SPINK5: variants seen among roughly 807,000 people sequenced by gnomAD.
The protein encoded by SPINK5 is serine protease inhibitor Kazal-type 5.
In SPINK5, 125 loss-of-function variants were observed where a neutral mutation model predicts 151.8. The ratio of observed to expected loss-of-function variants is 0.82; its 90% CI spans 0.71 to 0.96. The LOEUF (loss-of-function observed/expected upper bound fraction) is 0.96, where lower values mean the gene tolerates loss of function less well. SPINK5 is among the 40% of genes least tolerant of loss of function. The pLI is 0.00. For missense variants in SPINK5, 1,194 were observed against 1,291.9 expected, an observed-to-expected ratio of 0.92 and a Z score of 1.16; for synonymous variants, 374 against 395.3, an observed-to-expected ratio of 0.95 and a Z score of 0.64.
At chr5:148,084,686 G>A (rs1375848095) in intron 4 of SPINK5, among the ~76,000 whole-genome samples, 3 of 151,928 alleles carry the variant, frequency 2.0e-5, no homozygotes, top group East Asian at 2.0e-4. Context: ...AAAACCAAGA[G>A]CCATCCTGCT....
rs1192567456 is a variant in SPINK5, at chr5:148,090,958, C to T, written c.603-207C>T. The stretch of plus-strand genomic sequence containing the variant: ...AGCTAATTTACAGAAAGCAAGTTTC[C>T]CAGATAAGCTATTGCCGTCTTTCTT... On this transcript the variant is annotated intron_variant, in intron 7 of 32. Transcript: ENST00000256084. 4 of 565,728 alleles carry T rather than the reference C, an allele frequency of 7.1e-6. No homozygotes were observed. The East Asian group carries it at 1.2e-4, about 16-fold the overall frequency. The allele number at this position is 565,728 out of a possible 1,614,324, so 35.0% of individuals were successfully genotyped here.
intron 22 of SPINK5, 136 bp from the exon 23 acceptor site, chr5:148,118,301 G>C: frequency 7.5e-7 from 1 of 1,328,512 alleles, no homozygotes; most frequent in Non-Finnish European, 1.1e-6. Context: ...ACAGGCATGA[G>C]CCACCGTACC....
intron 31 of SPINK5, among the ~76,000 whole-genome samples, chr5:148,132,101 CTTA>C (rs1754587237): frequency 6.6e-6 from 1 of 152,104 alleles, no homozygotes; most frequent in Admixed American, 6.6e-5. Flanking sequence ...TTTTAATACT[CTTA>C]TTATTGGCTT....
At chr5:148,130,103 C>T (rs1157062034) in intron 30 of SPINK5, among the ~76,000 whole-genome samples, 1 of 151,824 alleles carries the variant, frequency 6.6e-6, no homozygotes, top group African/African-American at 2.4e-5. Flanking sequence ...AAAAAATTTT[C>T]TATGCTCATC....
At chr5:148,077,737 G>A (rs1193496744) in intron 4 of SPINK5, among the ~76,000 whole-genome samples, 1 of 149,340 alleles carries the variant, frequency 6.7e-6, no homozygotes, top group Non-Finnish European at 1.5e-5. Flanking sequence ...CCAGGATTAA[G>A]TATTATTCTG....
intron 30 of SPINK5, among the ~76,000 whole-genome samples, chr5:148,129,884 A>G (rs1754530468): frequency 6.6e-6 from 1 of 152,138 alleles, no homozygotes; most frequent in Admixed American, 6.5e-5. Context: ...ATTTTTTGGC[A>G]TGTAGTTATT....
In SPINK5 at chr5:148,127,029, C is replaced by A. The variant is rs897710997; in HGVS notation, c.2914C>A (p.His972Asn). The A allele has an allele frequency of 1.2e-6, 2 of 1,613,696 alleles. No homozygotes were observed. The highest frequency in any genetic ancestry group is 2.7e-5 in the African/African-American group (2 of 74,898). Reference protein sequence around the residue: ...ERAKLQEKPSHVRASQEEDSP... With the variant: ...ERAKLQEKPSNVRASQEEDSP... The stretch of plus-strand genomic sequence containing the variant: ...GGCAAAGCTTCAAGAAAAGCCATCC[C>A]ATGTTAGAGCTTCTCAAGAGGAAGA... The change falls in exon 30 of 33, where the codon CAT becomes AAT. Residue 972 changes from histidine to asparagine, a missense_variant. Transcript: ENST00000256084.
chr5:148,128,089 T>G (rs1437435069), intron 30 of SPINK5, among the ~76,000 whole-genome samples: 2 of 152,168 alleles, frequency 1.3e-5, no homozygotes, highest in Non-Finnish European at 2.9e-5. Context: ...GAATTTTACT[T>G]CATTATTCAC....
At chr5:148,098,305 C>T (rs1753527756) in intron 11 of SPINK5, among the ~76,000 whole-genome samples, 1 of 151,964 alleles carries the variant, frequency 6.6e-6, no homozygotes, top group African/African-American at 2.4e-5. Context: ...TTATAGGTAT[C>T]TCATCTTCCA....
chr5:148,087,175 T>A (rs997994246), intron 5 of SPINK5, among the ~76,000 whole-genome samples: 1 of 151,804 alleles, frequency 6.6e-6, no homozygotes, highest in Non-Finnish European at 1.5e-5. Context: ...TTTCTTCCCA[T>A]CTCTCAACAT....
At chr5:148,093,565 T>G (rs547482332) in intron 8 of SPINK5, among the ~76,000 whole-genome samples, 60 of 152,058 alleles carry the variant, frequency 3.9e-4, no homozygotes, top group African/African-American at 1.4e-3. Context: ...GATAACATCT[T>G]GTTTCTTTAT....
At chr5:148,125,930 T>G in intron 29 of SPINK5, 80 bp downstream of exon 29, 1 of 1,594,916 alleles carries the variant, frequency 6.3e-7, no homozygotes, top group Admixed American at 1.7e-5. Context: ...TAAGTTTGTA[T>G]ATTTATGAAC....
intron 17 of SPINK5, among the ~76,000 whole-genome samples, chr5:148,107,559 G>A (rs979403810): frequency 6.6e-6 from 1 of 152,168 alleles, no homozygotes; most frequent in African/African-American, 2.4e-5. Context: ...ATGGAGGTCT[G>A]TGGGGTCAGT....
Position 148,101,777 on chromosome 5 carries a change from A to C in SPINK5, c.1303-4A>C, listed in dbSNP as rs774656215. ...ACTTTCAACTTCCTGCCTCAATTTC[A>C]CAGGAGTTGTGTAGTGAATACCGCA... On this transcript the variant is annotated splice_region_variant and splice_polypyrimidine_tract_variant and intron_variant, in intron 14 of 32. Coordinates refer to ENST00000256084, the MANE Select transcript of SPINK5 (RefSeq NM_006846.4). The C allele has an allele frequency of 1.3e-5, 21 of 1,613,500 alleles. No homozygotes were observed. Among genetic ancestry groups the C allele is most frequent in the Non-Finnish European group, 1.7e-5 (20 of 1,179,682 alleles).
intron 4 of SPINK5, among the ~76,000 whole-genome samples, chr5:148,076,705 G>A (rs1752890530): frequency 6.6e-6 from 1 of 151,560 alleles, no homozygotes; most frequent in African/African-American, 2.4e-5. Context: ...ATGTTTGAGG[G>A]TTCACAAGAA....
At position 148,120,183 on chromosome 5, in the gene SPINK5, A is replaced by G. The variant is rs761304431; in HGVS notation, c.2441+47A>G. 3 of 1,613,898 alleles carry G rather than the reference A, an allele frequency of 1.9e-6. No homozygotes were observed. In the East Asian group the frequency reaches 6.7e-5, roughly 36 times the overall value. Reference sequence around the variant, plus strand: ...CTTTTGACTGTGAGTCTTAAAGTACAATAATCATTTCTTACCAGTTTGGGA... The same window carrying G: ...CTTTTGACTGTGAGTCTTAAAGTACGATAATCATTTCTTACCAGTTTGGGA... On this transcript the variant is annotated intron_variant, in intron 25 of 32. Transcript: ENST00000256084.
chr5:148,085,183 T>C (rs1237852817), intron 4 of SPINK5, among the ~76,000 whole-genome samples: 1 of 151,920 alleles, frequency 6.6e-6, no homozygotes, highest in African/African-American at 2.4e-5. Flanking sequence ...TCTTTAGCTT[T>C]TCTTTTCTAT....
At chr5:148,111,458 G>A (rs559994121) in intron 18 of SPINK5, among the ~76,000 whole-genome samples, 3 of 152,182 alleles carry the variant, frequency 2.0e-5, no homozygotes, top group South Asian at 2.1e-4. Flanking sequence ...TTGGTGGAAC[G>A]GTATTATTCT....
At chr5:148,070,522 C>G in intron 3 of SPINK5, 72 bp downstream of exon 3, 1 of 1,585,718 alleles carries the variant, frequency 6.3e-7, no homozygotes, top group Non-Finnish European at 8.6e-7. Context: ...TAAATGTATT[C>G]TTTTTCTTTC....
Sources: gnomAD v4.1 joint callset for allele counts (sites outside exome capture counted in the v4.1 genomes callset) on GRCh38, gnomAD v4.1.1 for gene constraint, MANE v1.5 for transcripts, NCBI Gene and HGNC (gene_info 2026-07-23, HGNC 2026-07-21) for gene names.